ARHGEF26: variants seen among roughly 807,000 people sequenced by gnomAD.
The protein encoded by ARHGEF26 is Rho guanine nucleotide exchange factor (GEF) 26.
A neutral mutation model predicts 89.4 loss-of-function variants in ARHGEF26; 59 were observed. That is an observed-to-expected ratio of 0.66 (90% confidence interval 0.54 to 0.82). ARHGEF26 has a LOEUF of 0.82. Among genes scored for constraint, ARHGEF26 ranks in the 40% least tolerant of loss-of-function variants. ARHGEF26 has a pLI of 0.00. For missense variants in ARHGEF26, 1,234 were observed against 1,085.6 expected (o/e 1.14, Z -1.92); for synonymous variants, 500 against 428.4 (o/e 1.17, Z -2.06).
chr3:154,256,735 G>T lies in ARHGEF26; in HGVS notation c.*1262G>T. ...ATTAGGCCTTAAAAGATACCAAGAAGTCAGCATGGTACCCAATTGAAACCT... is the reference window on the plus strand; with the variant it reads ...ATTAGGCCTTAAAAGATACCAAGAATTCAGCATGGTACCCAATTGAAACCT... On this transcript the variant is annotated 3_prime_UTR_variant, in exon 15 of 15. Transcript: ENST00000465093. 4 of 1,386,624 alleles carry T rather than the reference G, an allele frequency of 2.9e-6. No individual in the cohort carries two copies. The highest frequency in any genetic ancestry group is 3.7e-6 in the Non-Finnish European group (4 of 1,076,550). 85.9% of individuals were successfully genotyped at this position (1,386,624 alleles called of 1,614,324 possible). A position where few individuals can be genotyped will look rare whatever the true frequency, so the allele number is the denominator to read the frequency against.
intron 4 of ARHGEF26, among the ~76,000 whole-genome samples, chr3:154,132,959 C>T (rs980665735): frequency 2.6e-5 from 4 of 152,098 alleles, no homozygotes; most frequent in Non-Finnish European, 5.9e-5. Flanking sequence ...CTCAGTTCGG[C>T]ATATACCTTC....
chr3:154,124,265 T>C (rs931252953), intron 2 of ARHGEF26, 145 bp from the exon 3 acceptor site: 6 of 618,400 alleles, frequency 9.7e-6, no homozygotes, highest in African/African-American at 3.9e-5. Flanking sequence ...AGGGCTCAGC[T>C]TCTGTGCGCT....
At chr3:154,125,759 C>G (rs1340300745) in intron 3 of ARHGEF26, among the ~76,000 whole-genome samples, 1 of 151,962 alleles carries the variant, frequency 6.6e-6, no homozygotes, top group African/African-American at 2.4e-5. Context: ...CTCATTTCTT[C>G]TCAAATATAA....
At chr3:154,217,785 A>C in intron 9 of ARHGEF26, 84 bp from the exon 10 acceptor site, 1 of 1,033,588 alleles carries the variant, frequency 9.7e-7, no homozygotes. Flanking sequence ...CCCAAGTGGT[A>C]ATTATTTCCT....
At chr3:154,132,640 C>A (rs1718750437) in intron 4 of ARHGEF26, among the ~76,000 whole-genome samples, 1 of 152,036 alleles carries the variant, frequency 6.6e-6, no homozygotes, top group Non-Finnish European at 1.5e-5. Flanking sequence ...CTATCTGACC[C>A]CTCCTGGTAG....
intron 4 of ARHGEF26, among the ~76,000 whole-genome samples, chr3:154,131,203 G>A (rs542770595): frequency 6.6e-6 from 1 of 152,264 alleles, no homozygotes; most frequent in East Asian, 1.9e-4. Context: ...GTGGTGAACA[G>A]GCCTTATATA....
At chr3:154,167,774 G>C (rs1194786240) in intron 6 of ARHGEF26, among the ~76,000 whole-genome samples, 1 of 152,092 alleles carries the variant, frequency 6.6e-6, no homozygotes, top group Non-Finnish European at 1.5e-5. Flanking sequence ...TTCTAAATCT[G>C]GAAGATTTGG....
chr3:154,235,601 CTG>C (rs1717075222), intron 11 of ARHGEF26, among the ~76,000 whole-genome samples: 1 of 152,164 alleles, frequency 6.6e-6, no homozygotes, highest in Non-Finnish European at 1.5e-5. Flanking sequence ...GTGATGATAG[CTG>C]TCATATCTAT....
chr3:154,174,486 G>C (rs1198215941), intron 6 of ARHGEF26, among the ~76,000 whole-genome samples: 3 of 152,148 alleles, frequency 2.0e-5, no homozygotes, highest in Non-Finnish European at 4.4e-5. Flanking sequence ...AAGTTCCTCA[G>C]AGAGCCTCTC....
chr3:154,130,324 A>G (rs908718370), intron 4 of ARHGEF26, among the ~76,000 whole-genome samples: 1 of 151,876 alleles, frequency 6.6e-6, no homozygotes, highest in Non-Finnish European at 1.5e-5. Flanking sequence ...TATTTTTAGT[A>G]GAGATGAGAT....
At chr3:154,171,439 A>C (rs1712432801) in intron 6 of ARHGEF26, among the ~76,000 whole-genome samples, 1 of 152,210 alleles carries the variant, frequency 6.6e-6, no homozygotes, top group African/African-American at 2.4e-5. Context: ...GGATGGATAA[A>C]TGTATAATGG....
chr3:154,129,816 T>C (rs1718571064), intron 4 of ARHGEF26, 97 bp downstream of exon 4: 4 of 1,342,014 alleles, frequency 3.0e-6, no homozygotes, highest in South Asian at 1.5e-5. Context: ...CCAGTGATCC[T>C]GTAACTAAGG....
In ARHGEF26 at chr3:154,122,649, G is replaced by C. The variant is rs1258528793; in HGVS notation, c.657G>C (p.Arg219Ser). 3.7e-6 allele frequency: 6 copies of C among 1,613,906 alleles called. No individual in the cohort carries two copies. In the East Asian group the frequency reaches 1.3e-4, roughly 36 times the overall value. The part of the protein sequence containing the change: ...SSSEQKLPLQ[R>S]LPSQENELLE... ...CGGAACAAAAACTCCCCCTCCAAAG[G>C]CTGCCCTCCCAGGAGAACGAGCTCC... Residue 219 changes from arginine (R) to serine (S), a missense_variant, in exon 2 of 15, where the codon AGG (arginine) becomes AGC (serine). Transcript: ENST00000465093.
chr3:154,172,371 G>T (rs1177899722), intron 6 of ARHGEF26, among the ~76,000 whole-genome samples: 1 of 152,164 alleles, frequency 6.6e-6, no homozygotes, highest in African/African-American at 2.4e-5. Context: ...GGAAAGCACA[G>T]GTTGTGTTTA....
At chr3:154,193,182 A>G (rs1714054329) in intron 8 of ARHGEF26, among the ~76,000 whole-genome samples, 1 of 152,218 alleles carries the variant, frequency 6.6e-6, no homozygotes, top group African/African-American at 2.4e-5. Context: ...GACATAAACC[A>G]GTATTTTTCA....
intron 4 of ARHGEF26, among the ~76,000 whole-genome samples, chr3:154,131,243 AG>A: frequency 6.6e-6 from 1 of 152,332 alleles, no homozygotes. Context: ...AGCTCAAACC[AG>A]GTGAGTGCAG....
At chr3:154,195,671 A>T (rs1714246521) in intron 9 of ARHGEF26, among the ~76,000 whole-genome samples, 1 of 152,130 alleles carries the variant, frequency 6.6e-6, no homozygotes, top group Non-Finnish European at 1.5e-5. Flanking sequence ...GATAAGTTCC[A>T]TTTGGGTTGT....
intron 9 of ARHGEF26, among the ~76,000 whole-genome samples, chr3:154,213,008 C>T (rs924656416): frequency 2.6e-5 from 4 of 152,094 alleles, no homozygotes; most frequent in African/African-American, 9.7e-5. Context: ...AAGAAAAACA[C>T]AAGAATGTTT....
At chr3:154,205,812 G>A (rs1576777291) in intron 9 of ARHGEF26, among the ~76,000 whole-genome samples, 1 of 152,086 alleles carries the variant, frequency 6.6e-6, no homozygotes, top group East Asian at 1.9e-4. Context: ...TCATTTTGTT[G>A]TTTCTGTTTA....
Sources: allele counts gnomAD v4.1 joint callset (sites outside exome capture counted in the v4.1 genomes callset), GRCh38; gene constraint gnomAD v4.1.1; transcripts MANE v1.5; gene names NCBI Gene and HGNC (gene_info 2026-07-23, HGNC 2026-07-21).